The following PSMA8 variants were observed in gnomAD, a reference collection of about 807,000 sequenced individuals.
The protein encoded by PSMA8 is proteasome 20S subunit alpha 8.
Under a neutral mutation model 32.4 loss-of-function variants are expected in PSMA8, and 18 were observed. That is an observed-to-expected ratio of 0.56 (90% confidence interval 0.38 to 0.82). The LOEUF is 0.82. Among genes scored for constraint, PSMA8 ranks in the 40% least tolerant of loss-of-function variants. The pLI, the probability that PSMA8 is intolerant of heterozygous loss-of-function variation, is 0.00. For missense variants in PSMA8, 298 were observed against 300.7 expected, an observed-to-expected ratio of 0.99 and a Z score of 0.07; for synonymous variants, 104 against 98.1, an observed-to-expected ratio of 1.06 and a Z score of -0.36.
rs562388153 is a variant in PSMA8 at position 26,143,534 on chromosome 18, G to A, written c.103-1025G>A. Reference sequence around the variant, plus strand: ...ATAATAATCATACAGATGCACAACAGTAAACAACGAGGTATGAAAGCACTT... The same window carrying A: ...ATAATAATCATACAGATGCACAACAATAAACAACGAGGTATGAAAGCACTT... On this transcript the variant is annotated intron_variant, in intron 1 of 6. Transcript: ENST00000415576. Among the ~76,000 whole-genome samples, 169 of 152,298 alleles carry A rather than the reference G, an allele frequency of 1.1e-3. 1 individual carries two copies. Among genetic ancestry groups the A allele is most frequent in the African/African-American group, 4.0e-3 (167 of 41,568 alleles).
At chr18:26,192,153 T>C (rs917214749) in intron 6 of PSMA8, among the ~76,000 whole-genome samples, 166 bp from the exon 7 acceptor site, 1 of 152,226 alleles carries the variant, frequency 6.6e-6, no homozygotes, top group African/African-American at 2.4e-5. Context: ...CCATAATTGT[T>C]ATTGCTCTTA....
At chr18:26,150,489 C>T (rs2055037236) in intron 2 of PSMA8, among the ~76,000 whole-genome samples, 1 of 152,122 alleles carries the variant, frequency 6.6e-6, no homozygotes, top group Non-Finnish European at 1.5e-5. Context: ...AGGCATGTGC[C>T]AGCATGGCCT....
rs561425466 is a variant in PSMA8, at chr18:26,185,628, A to G, written c.660+6498A>G. On this transcript the variant is annotated intron_variant, in intron 6 of 6. Coordinates refer to ENST00000415576, the MANE Select transcript of PSMA8 (RefSeq NM_001025096.2). ...GTTTGCTGGTTGGCTAATGTTAAGC[A>G]CTGATATAGAATGGATGTTTGGGGA... 4.0e-5 allele frequency among the ~76,000 whole-genome samples: 6 copies of G among 150,986 alleles called. 1 individual carries two copies. Among genetic ancestry groups the G allele is most frequent in the Non-Finnish European group, 3.0e-5 (2 of 67,754 alleles).
At chr18:26,169,270 T>C (rs1210449518) in intron 4 of PSMA8, among the ~76,000 whole-genome samples, 1 of 133,934 alleles carries the variant, frequency 7.5e-6, no homozygotes, top group African/African-American at 3.8e-5. Flanking sequence ...GCCTGGCTAG[T>C]TTTTCTTTTA....
In PSMA8 at chr18:26,170,791, C is replaced by T; in HGVS notation, c.478-8039C>T. The T allele has an allele frequency of 5.8e-6, 9 of 1,554,822 alleles. 2 individuals carry two copies. The highest frequency in any genetic ancestry group is 7.7e-6 in the Non-Finnish European group (9 of 1,166,646). ...TTCTCCTCCTGGACATCAGAGAGAACACCTGGGTATTCTGGCAGAAGTTTA... is the reference window on the plus strand; with the variant it reads ...TTCTCCTCCTGGACATCAGAGAGAATACCTGGGTATTCTGGCAGAAGTTTA... On this transcript the variant is annotated intron_variant, in intron 4 of 6. Coordinates refer to ENST00000415576, the MANE Select transcript of PSMA8 (RefSeq NM_001025096.2).
chr18:26,159,372 C>T (rs894003585), intron 4 of PSMA8, among the ~76,000 whole-genome samples: 1 of 152,116 alleles, frequency 6.6e-6, no homozygotes, highest in Non-Finnish European at 1.5e-5. Flanking sequence ...TCTTTTTAAT[C>T]TGCCTGAGTA....
intron 4 of PSMA8, among the ~76,000 whole-genome samples, chr18:26,163,213 G>GTATATATATATATA (rs58945617): frequency 2.2e-4 from 18 of 80,910 alleles, no homozygotes; most frequent in Non-Finnish European, 3.7e-4. Flanking sequence ...ATGTGTGTGT[G>GTATATATATATATA]TATATATATA....
chr18:26,154,939 T>A (rs939490518), intron 3 of PSMA8, among the ~76,000 whole-genome samples: 1 of 151,884 alleles, frequency 6.6e-6, no homozygotes, highest in Non-Finnish European at 1.5e-5. Context: ...AAGAAAATGA[T>A]TCATTAGTCT....
chr18:26,163,258 T>A (rs1232544731), intron 4 of PSMA8, among the ~76,000 whole-genome samples: 86 of 101,498 alleles, frequency 8.5e-4, no homozygotes, highest in African/African-American at 3.0e-3. Context: ...TATATATATA[T>A]ATATGCTGTG....
chr18:26,169,624 G>A (rs1483121713), intron 4 of PSMA8, among the ~76,000 whole-genome samples: 1 of 129,340 alleles, frequency 7.7e-6, no homozygotes, highest in Non-Finnish European at 1.5e-5. Context: ...TGAATCGCTT[G>A]CGGTCACGAG....
intron 4 of PSMA8, among the ~76,000 whole-genome samples, chr18:26,160,638 A>G (rs1347519553): frequency 6.6e-6 from 1 of 152,186 alleles, no homozygotes; most frequent in Non-Finnish European, 1.5e-5. Flanking sequence ...GTTGCAATGG[A>G]CTATTGAGAA....
chr18:26,145,067 T>A (rs903212970), intron 2 of PSMA8, among the ~76,000 whole-genome samples: 5 of 152,336 alleles, frequency 3.3e-5, no homozygotes, highest in Non-Finnish European at 7.3e-5. Context: ...TTGCCAGTTT[T>A]ACATGCATTC....
chr18:26,140,897 G>GT (rs2054950042), intron 1 of PSMA8, among the ~76,000 whole-genome samples: 1 of 152,066 alleles, frequency 6.6e-6, no homozygotes, highest in Non-Finnish European at 1.5e-5. Context: ...GTGAAACAGA[G>GT]TTTTTTGTCT....
At chr18:26,145,599 A>G (rs1025271583) in intron 2 of PSMA8, among the ~76,000 whole-genome samples, 8 of 152,230 alleles carry the variant, frequency 5.3e-5, no homozygotes, top group African/African-American at 1.9e-4. Context: ...TGAGAATGTT[A>G]TATGGATAAA....
chr18:26,178,979 A>G, intron 5 of PSMA8, 30 bp downstream of exon 5: 1 of 1,605,464 alleles, frequency 6.2e-7, no homozygotes, highest in African/African-American at 1.3e-5. Context: ...ATATTCAGGA[A>G]ATCATGAATT....
At chr18:26,137,462 A>G (rs2054920979) in intron 1 of PSMA8, among the ~76,000 whole-genome samples, 1 of 152,200 alleles carries the variant, frequency 6.6e-6, no homozygotes, top group Non-Finnish European at 1.5e-5. Flanking sequence ...TGTCTCAAAA[A>G]AAAATTGCAC....
Position 26,168,500 on chromosome 18 carries a change from T to G in PSMA8, c.477+10256T>G, listed in dbSNP as rs545440221. Among the ~76,000 whole-genome samples, 62 of 126,036 alleles carry G rather than the reference T, an allele frequency of 4.9e-4. 9 individuals carry two copies. In the East Asian group the frequency reaches 0.014, roughly 28 times the overall value. The allele number at this position is 126,036 out of a possible 152,430, so 82.7% of individuals were successfully genotyped here. A position where few individuals can be genotyped will look rare whatever the true frequency, so the allele number is the denominator to read the frequency against. On this transcript the variant is annotated intron_variant, in intron 4 of 6. Transcript: ENST00000415576. Reference sequence around the variant, plus strand: ...ACCCTTTCCCCTTGTTTTTTTTTTTTTTTTTTTTTTACTTTTGCTTTATCT... The same window carrying G: ...ACCCTTTCCCCTTGTTTTTTTTTTTGTTTTTTTTTTACTTTTGCTTTATCT...
At position 26,183,275 on chromosome 18, in the gene PSMA8, C is replaced by T. The variant is rs565030167; in HGVS notation, c.660+4145C>T. 1.3e-3 allele frequency among the ~76,000 whole-genome samples: 188 copies of T among 150,018 alleles called. 9 individuals carry two copies. Among genetic ancestry groups the T allele is most frequent in the African/African-American group, 4.5e-3 (181 of 40,612 alleles). ...GGCGTGGTGGTGGGCACCTGTAATCCCAGCTACTCAGGAGGCTAAGGCAGG... is the reference window on the plus strand; with the variant it reads ...GGCGTGGTGGTGGGCACCTGTAATCTCAGCTACTCAGGAGGCTAAGGCAGG... On this transcript the variant is annotated intron_variant, in intron 6 of 6. Coordinates refer to ENST00000415576, the MANE Select transcript of PSMA8 (RefSeq NM_001025096.2).
intron 1 of PSMA8, among the ~76,000 whole-genome samples, chr18:26,136,225 C>A (rs551057210): frequency 2.0e-5 from 3 of 152,264 alleles, no homozygotes; most frequent in African/African-American, 7.2e-5. Flanking sequence ...TCTGTAAATG[C>A]AAATTTGTTT....
Sources: allele counts gnomAD v4.1 joint callset (sites outside exome capture counted in the v4.1 genomes callset), GRCh38; gene constraint gnomAD v4.1.1; transcripts MANE v1.5; gene names NCBI Gene and HGNC (gene_info 2026-07-23, HGNC 2026-07-21).